Variants in TRIM55 observed in about 807,000 individuals in gnomAD.
The protein encoded by TRIM55 is tripartite motif containing 55.
In TRIM55, 50 loss-of-function variants were observed where a neutral mutation model predicts 60.9. The observed-to-expected ratio is 0.82, with a 90% confidence interval of 0.65 to 1.04. The LOEUF (loss-of-function observed/expected upper bound fraction) is 1.04, where lower values mean the gene tolerates loss of function less well. TRIM55 is among the 50% of genes least tolerant of loss of function. The pLI is 0.00. For synonymous variants in TRIM55, 237 were observed against 238.1 expected (o/e 1.00, Z 0.04); for missense variants, 681 against 666.9 (o/e 1.02, Z -0.23).
chr8:66,170,072 A>G (rs1026195999), intron 9 of TRIM55, among the ~76,000 whole-genome samples: 1 of 152,196 alleles, frequency 6.6e-6, no homozygotes, highest in Non-Finnish European at 1.5e-5. Flanking sequence ...AAATGTTAGT[A>G]TAAACAGTAT....
intron 8 of TRIM55, 55 bp downstream of exon 8, chr8:66,152,682 A>G: frequency 1.9e-6 from 3 of 1,570,344 alleles, no homozygotes; most frequent in Non-Finnish European, 1.7e-6. Context: ...TCCTTATGGA[A>G]TAGCCTAAAC....
chr8:66,127,828 C>G (rs1189483925), intron 1 of TRIM55, among the ~76,000 whole-genome samples: 3 of 152,158 alleles, frequency 2.0e-5, no homozygotes, highest in Non-Finnish European at 4.4e-5. Context: ...GAGCAAGACT[C>G]TGTCTCAAAA....
rs191642586 is a variant in TRIM55, at chr8:66,172,668, G to A, written c.1525-1803G>A. 2.7e-3 allele frequency among the ~76,000 whole-genome samples: 407 copies of A among 152,294 alleles called. 1 individual carries two copies. The highest frequency in any genetic ancestry group is 4.4e-3 in the Non-Finnish European group (299 of 68,020). Reference sequence around the variant, plus strand: ...CAAAAGCAGTCCCAGGGGCTTGTTCGCTACCAGCAGTTTCCCAAAGGTTCT... The same window carrying A: ...CAAAAGCAGTCCCAGGGGCTTGTTCACTACCAGCAGTTTCCCAAAGGTTCT... On this transcript the variant is annotated intron_variant, in intron 9 of 9. Coordinates refer to ENST00000315962, the MANE Select transcript of TRIM55 (RefSeq NM_184085.2).
At chr8:66,137,225 G>C (rs1809534153) in intron 4 of TRIM55, 35 bp downstream of exon 4, 1 of 1,511,346 alleles carries the variant, frequency 6.6e-7, no homozygotes, top group South Asian at 1.1e-5. Flanking sequence ...TCTCAACCAA[G>C]CCTGCAATGC....
intron 4 of TRIM55, among the ~76,000 whole-genome samples, chr8:66,147,811 A>AC (rs59054780): frequency 0.065 from 9,372 of 144,954 alleles, 489 homozygotes; most frequent in African/African-American, 0.15. Context: ...AAAAAAAAAA[A>AC]AAAAAACCAC....
chr8:66,169,557 G>T (rs980049337), intron 9 of TRIM55, among the ~76,000 whole-genome samples: 2 of 152,200 alleles, frequency 1.3e-5, no homozygotes, highest in African/African-American at 4.8e-5. Flanking sequence ...TGTGCCTTTA[G>T]GAGCCGAGAA....
At chr8:66,158,141 C>CCACACACACACA (rs35285600) in intron 9 of TRIM55, among the ~76,000 whole-genome samples, 14 of 114,792 alleles carry the variant, frequency 1.2e-4, no homozygotes, top group African/African-American at 3.3e-4. Context: ...GATCTCCCCA[C>CCACACACACACA]CACACACACA....
intron 9 of TRIM55, among the ~76,000 whole-genome samples, chr8:66,164,542 T>C (rs901198709): frequency 3.9e-5 from 6 of 152,164 alleles, no homozygotes; most frequent in African/African-American, 1.2e-4. Flanking sequence ...GCTGAGAAAG[T>C]CCAATGGTTC....
At chr8:66,141,902 A>G (rs756234793) in intron 4 of TRIM55, among the ~76,000 whole-genome samples, 3 of 152,256 alleles carry the variant, frequency 2.0e-5, no homozygotes, top group Non-Finnish European at 4.4e-5. Context: ...CATTACAAAT[A>G]TGAAGTATGA....
intron 9 of TRIM55, among the ~76,000 whole-genome samples, chr8:66,154,803 C>T (rs1279333770): frequency 6.6e-6 from 1 of 152,192 alleles, no homozygotes; most frequent in Non-Finnish European, 1.5e-5. Context: ...GGAGAATAAC[C>T]TCTGATTCAT....
chr8:66,130,619 G>A (rs1040751414), intron 2 of TRIM55, among the ~76,000 whole-genome samples: 2 of 150,710 alleles, frequency 1.3e-5, no homozygotes, highest in Non-Finnish European at 3.0e-5. Flanking sequence ...ACCTCCTCCA[G>A]AAAGGCTGGA....
chr8:66,128,108 TA>T (rs1808925847), intron 1 of TRIM55, among the ~76,000 whole-genome samples, 195 bp from the exon 2 acceptor site: 1 of 152,172 alleles, frequency 6.6e-6, no homozygotes, highest in African/African-American at 2.4e-5. Flanking sequence ...TGGACAATGG[TA>T]TATTCGCAGA....
intron 2 of TRIM55, among the ~76,000 whole-genome samples, chr8:66,134,093 C>G (rs905947346): frequency 6.6e-6 from 1 of 152,178 alleles, no homozygotes; most frequent in Non-Finnish European, 1.5e-5. Context: ...CAATGCAGAT[C>G]ATAGCTCCCT....
upstream of TRIM55, chr8:66,126,774 G>A (rs117846402): frequency 6.2e-3 from 948 of 152,568 alleles, 25 homozygotes; most frequent in East Asian, 0.079. Context: ...TCTCAAGACA[G>A]GGCTGGCATT....
chr8:66,150,550 C>T, intron 7 of TRIM55, 84 bp downstream of exon 7: 1 of 1,494,020 alleles, frequency 6.7e-7, no homozygotes, highest in Non-Finnish European at 9.2e-7. Flanking sequence ...AGCGGGGATT[C>T]AGAATCACCT....
In TRIM55 at chr8:66,162,017, C is replaced by T. The variant is rs116863636; in HGVS notation, c.1524+7683C>T. 1.6e-4 allele frequency among the ~76,000 whole-genome samples: 24 copies of T among 152,114 alleles called. No individual in the cohort carries two copies. The East Asian group carries it at 4.2e-3, about 27-fold the overall frequency. On this transcript the variant is annotated intron_variant, in intron 9 of 9. Coordinates refer to ENST00000315962, the MANE Select transcript of TRIM55 (RefSeq NM_184085.2). Reference sequence around the variant, plus strand: ...CAATTTGGATGCCTTTATTCCTTCTCTTATCTGATTGCTCTGGCTAGGATT... The same window carrying T: ...CAATTTGGATGCCTTTATTCCTTCTTTTATCTGATTGCTCTGGCTAGGATT...
chr8:66,142,962 T>C (rs908802682), intron 4 of TRIM55, among the ~76,000 whole-genome samples: 1 of 152,252 alleles, frequency 6.6e-6, no homozygotes, highest in African/African-American at 2.4e-5. Flanking sequence ...TAGTTCTTTT[T>C]TCAGTATTGT....
intron 4 of TRIM55, 45 bp from the exon 5 acceptor site, chr8:66,149,600 A>G: frequency 2.7e-6 from 4 of 1,455,990 alleles, no homozygotes; most frequent in Non-Finnish European, 3.8e-6. Context: ...CTCCAAATCG[A>G]CTTTGTTTCA....
intron 6 of TRIM55, 36 bp from the exon 7 acceptor site, chr8:66,150,306 A>C: frequency 6.2e-7 from 1 of 1,614,070 alleles, no homozygotes. Context: ...CCAATTTTCA[A>C]CAGTGACAGA....
Sources: gnomAD v4.1 joint callset for allele counts (sites outside exome capture counted in the v4.1 genomes callset) on GRCh38, gnomAD v4.1.1 for gene constraint, MANE v1.5 for transcripts, NCBI Gene and HGNC (gene_info 2026-07-23, HGNC 2026-07-21) for gene names.